ZNF730: variants seen among roughly 807,000 people sequenced by gnomAD.
ZNF730 encodes putative zinc finger protein 730.
A neutral mutation model predicts 12.6 loss-of-function variants in ZNF730; 12 were observed. The ratio of observed to expected loss-of-function variants is 0.95; its 90% CI spans 0.61 to 1.54. The LOEUF is 1.54. ZNF730 is among the 40% of genes most tolerant of loss of function. The pLI, the probability that ZNF730 is intolerant of heterozygous loss-of-function variation, is 0.00. For synonymous variants in ZNF730, 194 were observed against 195.8 expected, an observed-to-expected ratio of 0.99 and a Z score of 0.08; for missense variants, 643 against 583.5, an observed-to-expected ratio of 1.10 and a Z score of -1.05.
intron 3 of ZNF730, among the ~76,000 whole-genome samples, chr19:23,140,904 A>G (rs868426691): frequency 3.3e-5 from 5 of 152,002 alleles, no homozygotes; most frequent in Middle Eastern, 3.4e-3. Context: ...GTGAGCCTAG[A>G]TTTTGCCACT....
intron 1 of ZNF730, among the ~76,000 whole-genome samples, chr19:23,132,969 A>T (rs1970764133): frequency 6.6e-6 from 1 of 152,214 alleles, no homozygotes; most frequent in African/African-American, 2.4e-5. Context: ...CACTATTACA[A>T]CAGTGATGCT....
intron 1 of ZNF730, chr19:23,126,420 T>C: frequency 3.3e-6 from 1 of 306,276 alleles, no homozygotes; most frequent in South Asian, 3.6e-5. Context: ...TACATGGTGC[T>C]GCTCCATGCT....
upstream of ZNF730, among the ~76,000 whole-genome samples, chr19:23,114,307 T>TTTC (rs1555714258): frequency 7.0e-4 from 79 of 112,610 alleles, 1 homozygote; most frequent in Middle Eastern, 9.3e-3. Context: ...TTTCTTTTCT[T>TTTC]TTTTTTTTTT....
At chr19:23,083,147 T>C (rs1279747803) in intron 1 of ZNF730, among the ~76,000 whole-genome samples, 1 of 152,006 alleles carries the variant, frequency 6.6e-6, no homozygotes, top group African/African-American at 2.4e-5. Context: ...CAGTAGTGGC[T>C]GAGCCCGGTG....
At position 23,126,467 on chromosome 19, in the gene ZNF730, T is replaced by C. The variant is rs576781669; in HGVS notation, c.4-7613T>C. On this transcript the variant is annotated intron_variant, in intron 1 of 3. Transcript: ENST00000597761. The stretch of plus-strand genomic sequence containing the variant: ...GAGTAGATCCATTTTGTCAGCTGTT[T>C]TTTATTTGTTTCCAGTGAGCATAAA... 5 of 324,850 alleles carry C rather than the reference T, an allele frequency of 1.5e-5. No individual in the cohort carries two copies. The South Asian group carries it at 1.6e-4, about 10-fold the overall frequency. 20.1% of individuals were successfully genotyped at this position (324,850 alleles called of 1,614,324 possible). A position where few individuals can be genotyped will look rare whatever the true frequency, so the allele number is the denominator to read the frequency against.
At chr19:23,077,342 C>T (rs1019628482) in intron 1 of ZNF730, among the ~76,000 whole-genome samples, 3 of 151,662 alleles carry the variant, frequency 2.0e-5, no homozygotes, top group Admixed American at 1.3e-4. Context: ...GTGATCTGCC[C>T]GCCTTGGCCT....
At chr19:23,115,922 G>C (rs188861637), upstream of ZNF730, among the ~76,000 whole-genome samples, 2 of 152,336 alleles carry the variant, frequency 1.3e-5, no homozygotes, top group Admixed American at 1.3e-4. Context: ...ATGACAGGTT[G>C]ATTACTAGTT....
intron 1 of ZNF730, among the ~76,000 whole-genome samples, chr19:23,079,317 C>T (rs193090942): frequency 1.3e-5 from 2 of 151,994 alleles, no homozygotes; most frequent in African/African-American, 4.8e-5. Flanking sequence ...GCCACCACGC[C>T]CAGCTTATTT....
At chr19:23,082,730 T>A (rs1243653201) in intron 1 of ZNF730, among the ~76,000 whole-genome samples, 1 of 151,232 alleles carries the variant, frequency 6.6e-6, no homozygotes, top group African/African-American at 2.4e-5. Flanking sequence ...AGACAAAATC[T>A]CGCTCTTGTT....
At chr19:23,114,307 T>TTTTTTTTTTTTTTTTTTTTTTTC (rs1970490851), upstream of ZNF730, among the ~76,000 whole-genome samples, 2 of 112,622 alleles carry the variant, frequency 1.8e-5, no homozygotes, top group Non-Finnish European at 3.6e-5. Context: ...TTTCTTTTCT[T>TTTTTTTTTTTTTTTTTTTTTTTC]TTTTTTTTTT....
At chr19:23,130,253 C>T (rs752980165) in intron 1 of ZNF730, among the ~76,000 whole-genome samples, 6 of 152,066 alleles carry the variant, frequency 3.9e-5, no homozygotes, top group African/African-American at 1.2e-4. Flanking sequence ...GTTGTAACAA[C>T]GGGAGGTTTC....
At chr19:23,126,826 T>TTTTC (rs1970677270) in intron 1 of ZNF730, 3 of 539,570 alleles carry the variant, frequency 5.6e-6, no homozygotes, top group South Asian at 4.4e-5. Context: ...TCCAGTGCTA[T>TTTTC]ATTAGCATTT....
chr19:23,079,203 G>C (rs930671256), intron 1 of ZNF730, among the ~76,000 whole-genome samples: 1 of 151,678 alleles, frequency 6.6e-6, no homozygotes, highest in African/African-American at 2.4e-5. Flanking sequence ...TGTTGCCCAG[G>C]GTAGAGCGCA....
At chr19:23,108,373 G>A (rs759166059) in intron 1 of ZNF730, among the ~76,000 whole-genome samples, 6 of 151,248 alleles carry the variant, frequency 4.0e-5, no homozygotes, top group Non-Finnish European at 7.4e-5. Flanking sequence ...CATGCAGTCT[G>A]GGATGAAAAC....
At chr19:23,086,663 T>C (rs543140388) in intron 1 of ZNF730, among the ~76,000 whole-genome samples, 11 of 152,206 alleles carry the variant, frequency 7.2e-5, no homozygotes, top group Non-Finnish European at 1.6e-4. Context: ...CTTGTACCAG[T>C]ACCATGCTGT....
chr19:23,084,635 C>A (rs1020446226), intron 1 of ZNF730, among the ~76,000 whole-genome samples: 1 of 152,174 alleles, frequency 6.6e-6, no homozygotes, highest in Middle Eastern at 3.2e-3. Context: ...CTGAAAGGCC[C>A]CAGTGTGTGC....
At position 23,138,092 on chromosome 19, in the gene ZNF730, G is replaced by C. The variant is rs1970858691; in HGVS notation, c.226+2049G>C. On this transcript the variant is annotated intron_variant, in intron 3 of 3. Coordinates refer to ENST00000597761, the MANE Select transcript of ZNF730 (RefSeq NM_001277403.2). ...AGGTCAGGAGATCGAGACCATCCCG[G>C]CTAAAACGGTGAAACCCCGTCTCTA... Among the ~76,000 whole-genome samples, 2 of 19,238 alleles carry C rather than the reference G, an allele frequency of 1.0e-4. 1 individual carries two copies. The highest frequency in any genetic ancestry group is 6.4e-3 in the South Asian group (2 of 314). The allele number at this position is 19,238 out of a possible 152,430, so 12.6% of individuals were successfully genotyped here. A position where few individuals can be genotyped will look rare whatever the true frequency, so the allele number is the denominator to read the frequency against.
chr19:23,100,804 C>G (rs369440415), intron 1 of ZNF730, among the ~76,000 whole-genome samples: 1 of 151,782 alleles, frequency 6.6e-6, no homozygotes, highest in Non-Finnish European at 1.5e-5. Context: ...TCCAGGCACC[C>G]GCCACCAAGC....
chr19:23,121,288 G>T (rs1307690689), intron 1 of ZNF730, among the ~76,000 whole-genome samples: 1 of 152,038 alleles, frequency 6.6e-6, no homozygotes, highest in Non-Finnish European at 1.5e-5. Context: ...GTGTCCATGG[G>T]GTGTTGTAGG....
Sources: gnomAD v4.1 joint callset for allele counts (sites outside exome capture counted in the v4.1 genomes callset) on GRCh38, gnomAD v4.1.1 for gene constraint, MANE v1.5 for transcripts, NCBI Gene and HGNC (gene_info 2026-07-23, HGNC 2026-07-21) for gene names.